Variants in CAMK2B observed in about 807,000 individuals in gnomAD.
CAMK2B encodes the protein calcium/calmodulin-dependent protein kinase type II subunit beta.
Under a neutral mutation model 93.7 loss-of-function variants are expected in CAMK2B, and 27 were observed. The ratio of observed to expected loss-of-function variants is 0.29; its 90% CI spans 0.21 to 0.40. The LOEUF (loss-of-function observed/expected upper bound fraction) is 0.40, where lower values mean the gene tolerates loss of function less well. Among genes scored for constraint, CAMK2B ranks in the 10% least tolerant of loss-of-function variants. The pLI, the probability that CAMK2B is intolerant of heterozygous loss-of-function variation, is 1.00. For synonymous variants in CAMK2B, 374 were observed against 358.8 expected (o/e 1.04, Z -0.48); for missense variants, 568 against 895.8 (o/e 0.63, Z 4.67).
intron 2 of CAMK2B, among the ~76,000 whole-genome samples, chr7:44,278,766 C>T (rs896750261): frequency 6.6e-6 from 1 of 152,242 alleles, no homozygotes; most frequent in Non-Finnish European, 1.5e-5. Context: ...ACCAAAGCAA[C>T]ACCCACAGCA....
intron 1 of CAMK2B, among the ~76,000 whole-genome samples, chr7:44,310,066 A>G (rs968991488): frequency 6.6e-6 from 1 of 152,238 alleles, no homozygotes; most frequent in Non-Finnish European, 1.5e-5. Flanking sequence ...ACGGTGGCCG[A>G]GACCGGGCGG....
Position 44,218,309 on chromosome 7 carries a change from A to G in CAMK2B, c.*1216T>C, listed in dbSNP as rs2096361561. 6.6e-6 allele frequency: 1 copy of G among 152,338 alleles called. No individual in the cohort carries two copies. The highest frequency in any genetic ancestry group is 1.5e-5 in the Non-Finnish European group (1 of 68,364). The allele number at this position is 152,338 out of a possible 1,614,324, so 9.4% of individuals were successfully genotyped here. Reference sequence around the variant, plus strand: ...TCAGCCCAGAAGCTGGGCAGCCACCACCTCTGATCCCGCTCTGCCACTAGC... The same window carrying G: ...TCAGCCCAGAAGCTGGGCAGCCACCGCCTCTGATCCCGCTCTGCCACTAGC... On this transcript the variant is annotated 3_prime_UTR_variant, in exon 24 of 24. Coordinates refer to ENST00000395749, the MANE Select transcript of CAMK2B (RefSeq NM_001220.5).
intron 1 of CAMK2B, among the ~76,000 whole-genome samples, chr7:44,285,112 A>G (rs959004174): frequency 6.6e-6 from 1 of 152,208 alleles, no homozygotes; most frequent in African/African-American, 2.4e-5. Flanking sequence ...TGAGGGAGTC[A>G]GTGCCACCCA....
chr7:44,221,425 T>A (rs1263374870), intron 20 of CAMK2B, among the ~76,000 whole-genome samples: 1 of 152,152 alleles, frequency 6.6e-6, no homozygotes, highest in East Asian at 1.9e-4. Context: ...GGCAGAGACC[T>A]GCCTCAGAGA....
rs543675780 is a variant in CAMK2B, at chr7:44,225,996, G to A, written c.1597+520C>T. On this transcript the variant is annotated intron_variant, in intron 20 of 23. Transcript: ENST00000395749. The surrounding 1 kb of genome is among the most constrained non-coding windows in gnomAD (Gnocchi z 5.0). Reference sequence around the variant, plus strand: ...CCAGCCTGTGCTTCCTGTCCCGCCCGCTCTGTTTCAGCCTGGCCCCAGCTG... The same window carrying A: ...CCAGCCTGTGCTTCCTGTCCCGCCCACTCTGTTTCAGCCTGGCCCCAGCTG... 1.9e-4 allele frequency: 209 copies of A among 1,108,518 alleles called. No homozygotes were observed. In the African/African-American group the frequency reaches 2.9e-3, roughly 15 times the overall value. 68.7% of individuals were successfully genotyped at this position (1,108,518 alleles called of 1,614,324 possible).
In CAMK2B at chr7:44,221,527, G is replaced by A. The variant is rs553523550; in HGVS notation, c.1598-626C>T. Among the ~76,000 whole-genome samples, 18 of 151,332 alleles carry A rather than the reference G, an allele frequency of 1.2e-4. 1 individual carries two copies. Among genetic ancestry groups the A allele is most frequent in the African/African-American group, 4.2e-4 (17 of 40,666 alleles). ...CGCAGGCTGCAGGGTTCCCCGGAGC[G>A]ATGACCAGGGCTGTCCCCGCAGCAG... On this transcript the variant is annotated intron_variant, in intron 20 of 23. Transcript: ENST00000395749.
At chr7:44,229,538 GCGCC>G in intron 17 of CAMK2B, 37 bp from the exon 18 acceptor site, 1 of 1,091,522 alleles carries the variant, frequency 9.2e-7, no homozygotes, top group Non-Finnish European at 1.2e-6. Context: ...GGTGGGTGGT[GCGCC>G]CGCAGGAAAA....
At chr7:44,289,313 A>G (rs1786070243) in intron 1 of CAMK2B, among the ~76,000 whole-genome samples, 1 of 152,026 alleles carries the variant, frequency 6.6e-6, no homozygotes, top group Non-Finnish European at 1.5e-5. Context: ...AGCTGGGAGG[A>G]GGTGTGTCCC....
At chr7:44,320,186 G>C (rs2116545201) in intron 1 of CAMK2B, among the ~76,000 whole-genome samples, 1 of 152,210 alleles carries the variant, frequency 6.6e-6, no homozygotes, top group African/African-American at 2.4e-5. Context: ...CAGAGTGTTG[G>C]TTGTCTTTGA....
intron 4 of CAMK2B, among the ~76,000 whole-genome samples, chr7:44,257,401 TGA>T (rs929361587): frequency 3.3e-4 from 50 of 152,192 alleles, no homozygotes; most frequent in Non-Finnish European, 2.1e-4. Context: ...GCGGGAGACA[TGA>T]GAGTCTCTCA....
rs2096388476 is a variant in CAMK2B, at chr7:44,220,596, AC to A, written c.1768+19del. ...CTGGGGGCACCGCCCCCTCATGCCC[AC>A]CCGGGCTTCCTCACTCACGGTTCTC... On this transcript the variant is annotated intron_variant, in intron 22 of 23. Transcript: ENST00000395749. The A allele has an allele frequency of 6.2e-7, 1 of 1,600,852 alleles. No homozygotes were observed. The highest frequency in any genetic ancestry group is 2.2e-5 in the East Asian group (1 of 44,784).
At chr7:44,275,590 G>C (rs2097027077) in intron 2 of CAMK2B, among the ~76,000 whole-genome samples, 1 of 152,250 alleles carries the variant, frequency 6.6e-6, no homozygotes, top group Non-Finnish European at 1.5e-5. Context: ...GTATAAGTTT[G>C]TCTCAATTTC....
At chr7:44,281,325 C>A (rs2097100605) in intron 2 of CAMK2B, among the ~76,000 whole-genome samples, 2 of 152,210 alleles carry the variant, frequency 1.3e-5, no homozygotes, top group Non-Finnish European at 2.9e-5. Context: ...AGCCACGGGA[C>A]ATATGAGCTG....
chr7:44,235,390 C>A (rs761900629), intron 13 of CAMK2B, among the ~76,000 whole-genome samples: 2 of 152,254 alleles, frequency 1.3e-5, no homozygotes, highest in South Asian at 2.1e-4. Context: ...AGCAGCGGGG[C>A]CCCTGCCTCA....
rs2096454272 is a variant in CAMK2B at position 44,224,674 on chromosome 7, C to T, written c.1597+1842G>A. On this transcript the variant is annotated intron_variant, in intron 20 of 23. Coordinates refer to ENST00000395749, the MANE Select transcript of CAMK2B (RefSeq NM_001220.5). This position sits in a 1 kb window ranked among gnomAD's most constrained non-coding sequence, Gnocchi z 4.4. Reference sequence around the variant, plus strand: ...GACCCCAGGCTGGCCCCAAGCCCATCTCTCAGAGCCAGAGGTGGCTGCGGG... The same window carrying T: ...GACCCCAGGCTGGCCCCAAGCCCATTTCTCAGAGCCAGAGGTGGCTGCGGG... 6.6e-6 allele frequency among the ~76,000 whole-genome samples: 1 copy of T among 152,188 alleles called. No homozygotes were observed. Among genetic ancestry groups the T allele is most frequent in the African/African-American group, 2.4e-5 (1 of 41,446 alleles).
intron 9 of CAMK2B, 58 bp from the exon 10 acceptor site, chr7:44,242,398 G>T (rs2096688736): frequency 3.8e-6 from 6 of 1,589,660 alleles, no homozygotes; most frequent in Non-Finnish European, 4.3e-6. Flanking sequence ...GCAGGGGCAA[G>T]AATTCTCCAA....
At chr7:44,252,404 G>A (rs73095997) in intron 5 of CAMK2B, among the ~76,000 whole-genome samples, 30,335 of 151,680 alleles carry the variant, frequency 0.2, 3,711 homozygotes, top group Non-Finnish European at 0.28. Context: ...GGCTCTGGGG[G>A]GCTGCAGGAC....
intron 13 of CAMK2B, among the ~76,000 whole-genome samples, chr7:44,236,278 T>C (rs1308434776): frequency 6.6e-6 from 1 of 151,908 alleles, no homozygotes; most frequent in Non-Finnish European, 1.5e-5. Context: ...GGGACTGGGG[T>C]TGTGCCTGCG....
intron 5 of CAMK2B, among the ~76,000 whole-genome samples, chr7:44,249,274 G>A (rs1020138057): frequency 1.3e-5 from 2 of 152,224 alleles, no homozygotes; most frequent in African/African-American, 4.8e-5. Flanking sequence ...TGGGGTGGGG[G>A]CTTCCCTCTG....
Sources: allele counts gnomAD v4.1 joint callset (sites outside exome capture counted in the v4.1 genomes callset), GRCh38; gene constraint gnomAD v4.1.1; non-coding constraint Gnocchi (gnomAD v3.1); transcripts MANE v1.5; gene names NCBI Gene and HGNC (gene_info 2026-07-23, HGNC 2026-07-21).